TEX15: variants seen among roughly 807,000 people sequenced by gnomAD.
TEX15 encodes the protein testis expressed 15, meiosis and synapsis associated, also known as testis-expressed protein 15.
A neutral mutation model predicts 237.3 loss-of-function variants in TEX15; 171 were observed. That is an observed-to-expected ratio of 0.72 (90% CI 0.64 to 0.82). TEX15 has a LOEUF of 0.82. Among genes scored for constraint, TEX15 ranks in the 40% least tolerant of loss-of-function variants. The pLI, the probability that TEX15 is intolerant of heterozygous loss-of-function variation, is 0.00. For synonymous variants in TEX15, 1,338 were observed against 1,269.8 expected (o/e 1.05, Z -1.14); for missense variants, 3,750 against 3,646.5 (o/e 1.03, Z -0.73).
chr8:30,842,632 T>G lies in TEX15; in HGVS notation c.7535A>C (p.Glu2512Ala). The change falls in exon 8 of 11, where the codon GAG becomes GCG. Residue 2512 changes from glutamate to alanine, a missense_variant. By Grantham distance (107) the Glu-to-Ala change is moderately radical. Coordinates refer to ENST00000643185, the MANE Select transcript of TEX15 (RefSeq NM_001350162.2). ...TTTCTTAAGTTCGGAAACAGCAGTC[T>G]CTATCACTTTCCAAAGGCAAACATC... ...STDVCLWKVI[E>A]TAVSELKKDL... 6.2e-7 allele frequency: 1 copy of G among 1,611,924 alleles called. No homozygotes were observed. The highest frequency in any genetic ancestry group is 8.5e-7 in the Non-Finnish European group (1 of 1,179,850).
intron 4 of TEX15, among the ~76,000 whole-genome samples, chr8:30,867,861 T>G (rs1789375320): frequency 6.6e-6 from 1 of 152,074 alleles, no homozygotes; most frequent in Admixed American, 6.6e-5. Flanking sequence ...ATTTTTAAAA[T>G]GAGGAAAATG....
Position 30,849,016 on chromosome 8 carries a change from A to G in TEX15, c.1151T>C (p.Met384Thr), listed in dbSNP as rs776735153. The part of the protein sequence containing the change: ...VLAHDSDISL[M>T]PSDAKDSVNG... Reference sequence around the variant, plus strand: ...AACACTGTCTTTGGCATCACTGGGCATAAGTGAAATGTCTGAATCATGTGC... The same window carrying G: ...AACACTGTCTTTGGCATCACTGGGCGTAAGTGAAATGTCTGAATCATGTGC... Residue 384 changes from methionine to threonine, a missense_variant, in exon 8 of 11, where the codon ATG (methionine) becomes ACG (threonine). Coordinates refer to ENST00000643185, the MANE Select transcript of TEX15 (RefSeq NM_001350162.2). 15 of 1,614,092 alleles carry G rather than the reference A, an allele frequency of 9.3e-6. No homozygotes were observed. Among genetic ancestry groups the G allele is most frequent in the Admixed American group, 3.3e-5 (2 of 60,014 alleles).
chr8:30,881,460 G>C (rs1808518369), intron 3 of TEX15, among the ~76,000 whole-genome samples: 1 of 151,968 alleles, frequency 6.6e-6, no homozygotes, highest in Non-Finnish European at 1.5e-5. Context: ...CAACCTGTGG[G>C]CCAGTAGTGA....
Position 30,847,616 on chromosome 8 carries a change from G to A in TEX15, c.2551C>T (p.Leu851=), listed in dbSNP as rs776819596. Residue 851 remains leucine, a synonymous_variant, in exon 8 of 11, where the codon CTG becomes TTG. Transcript: ENST00000643185. The stretch of plus-strand genomic sequence containing the variant: ...GTTTGTTTTTTGAAATTAACATTCA[G>A]CCATATATCATTGCTTAACTGTGAA... ...CNSQLSNDIW[L]NVNFKKQTDR... 6.2e-7 allele frequency: 1 copy of A among 1,613,274 alleles called. No individual in the cohort carries two copies. The highest frequency in any genetic ancestry group is 8.5e-7 in the Non-Finnish European group (1 of 1,179,786).
At chr8:30,836,591 T>C (rs947703824) in intron 10 of TEX15, among the ~76,000 whole-genome samples, 1 of 152,172 alleles carries the variant, frequency 6.6e-6, no homozygotes, top group Non-Finnish European at 1.5e-5. Context: ...GTCAAGGACA[T>C]ATTAGTGATA....
chr8:30,848,754 CG>C lies in TEX15; in HGVS notation c.1412del (p.Ser471Ter). The stretch of plus-strand genomic sequence containing the variant: ...AGGAGGAGGCAGAATTAGATGGTGT[CG>C]ATTTTATTTCTGAATTAACATTATC... The part of the protein sequence containing the change: ...SSDNVNSEIK[S>X]TPSNSASSSE... On this transcript the variant is annotated frameshift_variant, in exon 8 of 11. Transcript: ENST00000643185. LOFTEE classifies it high-confidence loss of function. 1 of 1,614,104 alleles carries C rather than the reference CG, an allele frequency of 6.2e-7. No homozygotes were observed. The highest frequency in any genetic ancestry group is 8.5e-7 in the Non-Finnish European group (1 of 1,180,020).
At chr8:30,870,126 G>A (rs1233174802) in intron 4 of TEX15, among the ~76,000 whole-genome samples, 1 of 151,592 alleles carries the variant, frequency 6.6e-6, no homozygotes, top group Admixed American at 6.6e-5. Flanking sequence ...TTGCTTGTGG[G>A]TTTTTAATTT....
chr8:30,845,395 T>C lies in TEX15; in HGVS notation c.4772A>G (p.His1591Arg). Residue 1591 changes from histidine (H) to arginine (R), a missense_variant, in exon 8 of 11, where the codon CAT becomes CGT. His to Arg is a conservative substitution (Grantham distance 29, BLOSUM62 0). Transcript: ENST00000643185. The stretch of plus-strand genomic sequence containing the variant: ...ATCTTTAACATTATGATTTGCTGAA[T>C]GTTTTTCAAGCTTTTCATATTTACT... ...STSKYEKLEK[H>R]SANHNVKDAT... is the part of the protein sequence containing the mutation. 2 of 1,611,840 alleles carry C rather than the reference T, an allele frequency of 1.2e-6. No homozygotes were observed. Among genetic ancestry groups the C allele is most frequent in the Non-Finnish European group, 1.7e-6 (2 of 1,178,554 alleles).
chr8:30,839,981 C>A lies in TEX15; in HGVS notation c.8164-17G>T. On this transcript the variant is annotated splice_polypyrimidine_tract_variant and intron_variant, in intron 8 of 10. Transcript: ENST00000643185. ...CATGTCTACCTGTGTTTAAAAGATA[C>A]AAAGAAAATCTTCATTAGTGATGAC... 2 of 1,513,212 alleles carry A rather than the reference C, an allele frequency of 1.3e-6. No individual in the cohort carries two copies. Among genetic ancestry groups the A allele is most frequent in the Non-Finnish European group, 9.0e-7 (1 of 1,114,480 alleles). 93.7% of individuals were successfully genotyped at this position (1,513,212 alleles called of 1,614,324 possible).
In TEX15 at chr8:30,838,027, T is replaced by C; in HGVS notation, c.8257A>G (p.Ile2753Val). 6.2e-7 allele frequency: 1 copy of C among 1,612,866 alleles called. No homozygotes were observed. The highest frequency in any genetic ancestry group is 1.1e-5 in the South Asian group (1 of 90,624). Reference sequence around the variant, plus strand: ...AGACTGTCACATGAACTTGGTACTATTTTGTTTTCGCTTTTGGGATGAGAT... The same window carrying C: ...AGACTGTCACATGAACTTGGTACTACTTTGTTTTCGCTTTTGGGATGAGAT... ...TGSHPKSENK[I>V]VPSSCDSLKR... Residue 2753 changes from isoleucine to valine, a missense_variant, in exon 10 of 11, where the codon ATA becomes GTA. Transcript: ENST00000643185.
intron 2 of TEX15, among the ~76,000 whole-genome samples, chr8:30,896,003 G>C (rs1411976114): frequency 1.3e-5 from 2 of 152,022 alleles, no homozygotes; most frequent in Admixed American, 6.6e-5. Flanking sequence ...TTTAAAGAAA[G>C]TTCAGTACCA....
chr8:30,846,075 T>C lies in TEX15; in HGVS notation c.4092A>G (p.Leu1364=). 1 of 1,613,414 alleles carries C rather than the reference T, an allele frequency of 6.2e-7. No individual in the cohort carries two copies. The highest frequency in any genetic ancestry group is 8.5e-7 in the Non-Finnish European group (1 of 1,179,594). The change falls in exon 8 of 11, where the codon CTA becomes CTG. Residue 1364 remains leucine, a synonymous_variant. Transcript: ENST00000643185. The part of the protein sequence containing the change: ...EKHIKSVLNI[L]SDEASLCKSK... Reference sequence around the variant, plus strand: ...TTTTACATAAAGATGCTTCATCACTTAGGATATTTAGGACACTCTTAATGT... The same window carrying C: ...TTTTACATAAAGATGCTTCATCACTCAGGATATTTAGGACACTCTTAATGT...
In TEX15 at chr8:30,858,840, G is replaced by T; in HGVS notation, c.688-10C>A. 6.6e-7 allele frequency: 1 copy of T among 1,516,768 alleles called. No individual in the cohort carries two copies. Among genetic ancestry groups the T allele is most frequent in the South Asian group, 1.2e-5 (1 of 80,134 alleles). 94.0% of individuals were successfully genotyped at this position (1,516,768 alleles called of 1,614,324 possible). ...ATTCATAGAAGTACACCTGAAAGAT[G>T]AAAACAGGTTCATGCTGATTAATTT... On this transcript the variant is annotated splice_polypyrimidine_tract_variant and intron_variant, in intron 6 of 10. Coordinates refer to ENST00000643185, the MANE Select transcript of TEX15 (RefSeq NM_001350162.2).
Position 30,841,922 on chromosome 8 carries a change from T to C in TEX15, c.8163+82A>G, listed in dbSNP as rs143278343. 613 of 969,318 alleles carry C rather than the reference T, an allele frequency of 6.3e-4. 6 individuals are homozygous for C. The African/African-American group carries it at 9.2e-3, about 15-fold the overall frequency. 60.0% of individuals were successfully genotyped at this position (969,318 alleles called of 1,614,324 possible). A position where few individuals can be genotyped will look rare whatever the true frequency, so the allele number is the denominator to read the frequency against. ...ATTTACCATTCTTAACTTTTAGAAT[T>C]CTGCAAACTACTTGTTTGCTTATGA... On this transcript the variant is annotated intron_variant, in intron 8 of 10. Transcript: ENST00000643185.
At chr8:30,911,144 G>C (rs1020818448) in intron 1 of TEX15, among the ~76,000 whole-genome samples, 2 of 152,000 alleles carry the variant, frequency 1.3e-5, no homozygotes, top group African/African-American at 4.8e-5. Context: ...TTTTGAGACA[G>C]AGTCTCGCTC....
At chr8:30,877,970 A>G (rs957362286) in intron 3 of TEX15, among the ~76,000 whole-genome samples, 3 of 151,866 alleles carry the variant, frequency 2.0e-5, no homozygotes, top group South Asian at 4.2e-4. Context: ...AAACTCTCCC[A>G]CACCCCCATT....
Position 30,860,030 on chromosome 8 carries a change from G to T in TEX15, c.568C>A (p.Gln190Lys). ...ACTTTATTTTTATCCACAGAAGGTT[G>T]GATTTTCTTCACTTTTCCAAAGAGA... ...KVLFGKVKKI[Q>K]PSVDKNKVSL... is the part of the protein sequence containing the mutation. Residue 190 changes from glutamine to lysine, a missense_variant, in exon 6 of 11, where the codon CAA (glutamine) becomes AAA (lysine). Physicochemically the swap from Gln to Lys is moderately conservative, Grantham distance 53. Coordinates refer to ENST00000643185, the MANE Select transcript of TEX15 (RefSeq NM_001350162.2). The T allele has an allele frequency of 6.7e-7, 1 of 1,483,186 alleles. No individual in the cohort carries two copies. Among genetic ancestry groups the T allele is most frequent in the South Asian group, 1.3e-5 (1 of 74,504 alleles). The allele number at this position is 1,483,186 out of a possible 1,614,324, so 91.9% of individuals were successfully genotyped here.
At position 30,845,818 on chromosome 8, in the gene TEX15, CT is replaced by C; in HGVS notation, c.4348del (p.Arg1450GlufsTer20). On this transcript the variant is annotated frameshift_variant, in exon 8 of 11. Coordinates refer to ENST00000643185, the MANE Select transcript of TEX15 (RefSeq NM_001350162.2). LOFTEE classifies it high-confidence loss of function. ...TTTCTTTCTCCGTTTGTCATATTTT[CT>C]TTTTGACGAAAAATGCTTAGTAGAA... ...YYSTKHFSSKRKYDKRRKKRA... is the reference protein window; with the variant it reads ...YYSTKHFSSKXKYDKRRKKRA... The C allele has an allele frequency of 6.2e-7, 1 of 1,607,900 alleles. No individual in the cohort carries two copies. Among genetic ancestry groups the C allele is most frequent in the Non-Finnish European group, 8.5e-7 (1 of 1,178,416 alleles).
In TEX15 at chr8:30,842,728, G is replaced by T; in HGVS notation, c.7439C>A (p.Ser2480Ter). 1 of 1,613,448 alleles carries T rather than the reference G, an allele frequency of 6.2e-7. No homozygotes were observed. Among genetic ancestry groups the T allele is most frequent in the South Asian group, 1.1e-5 (1 of 91,028 alleles). ...GCACTGAACCAGCTCAGGAAGAAGT[G>T]ACAAATCAAACCAAAGCATACCTCG... The part of the protein sequence containing the change: ...RFRGMLWFDL[S>*]LLPELVQCQE... The change falls in exon 8 of 11, where the codon TCA (serine) becomes TAA (stop). Residue 2480 changes from serine to a stop codon, truncating the protein, a stop_gained. Coordinates refer to ENST00000643185, the MANE Select transcript of TEX15 (RefSeq NM_001350162.2). LOFTEE classifies it high-confidence loss of function.
Sources: gnomAD v4.1 joint callset for allele counts (sites outside exome capture counted in the v4.1 genomes callset) on GRCh38, gnomAD v4.1.1 for gene constraint, MANE v1.5 for transcripts, NCBI Gene and HGNC (gene_info 2026-07-23, HGNC 2026-07-21) for gene names.